Variants in TMEM181 observed in about 807,000 individuals in gnomAD.
TMEM181 encodes transmembrane protein 181, also known as G protein-coupled receptor 178.
A neutral mutation model predicts 71.9 loss-of-function variants in TMEM181; 39 were observed. The ratio of observed to expected loss-of-function variants is 0.54; its 90% confidence interval spans 0.42 to 0.71. The LOEUF is 0.71. TMEM181 is among the 30% of genes least tolerant of loss of function. The pLI, the probability that TMEM181 is intolerant of heterozygous loss-of-function variation, is 0.00. For missense variants in TMEM181, 595 were observed against 583.0 expected, an observed-to-expected ratio of 1.02 and a Z score of -0.21; for synonymous variants, 245 against 228.8, an observed-to-expected ratio of 1.07 and a Z score of -0.64.
At chr6:158,584,143 G>GATAGATGTAT in intron 4 of TMEM181, 99 bp downstream of exon 4, 1 of 992,952 alleles carries the variant, frequency 1.0e-6, no homozygotes, top group Non-Finnish European at 1.5e-6. Flanking sequence ...AGTGCTCAAA[G>GATAGATGTAT]ATAGATGTAT....
At chr6:158,540,337 A>T (rs1781295578) in intron 1 of TMEM181, among the ~76,000 whole-genome samples, 1 of 152,224 alleles carries the variant, frequency 6.6e-6, no homozygotes, top group Non-Finnish European at 1.5e-5. Context: ...GAACATACAC[A>T]TTTCCTCAGG....
chr6:158,552,338 T>G (rs1304563287), intron 1 of TMEM181, among the ~76,000 whole-genome samples: 2 of 152,254 alleles, frequency 1.3e-5, no homozygotes, highest in Non-Finnish European at 2.9e-5. Context: ...TTGAACCTGA[T>G]GAAAGGTACT....
intron 6 of TMEM181, among the ~76,000 whole-genome samples, chr6:158,595,694 T>C (rs551596460): frequency 6.6e-6 from 1 of 152,302 alleles, no homozygotes; most frequent in Non-Finnish European, 1.5e-5. Context: ...GTACGGAGTG[T>C]ATGATTCCAT....
chr6:158,571,847 C>T (rs1415644182), intron 1 of TMEM181, among the ~76,000 whole-genome samples: 2 of 152,230 alleles, frequency 1.3e-5, no homozygotes, highest in East Asian at 3.9e-4. Context: ...CCAGACCTCA[C>T]TTTCCCCACC....
chr6:158,594,005 G>C (rs903699758), intron 6 of TMEM181, among the ~76,000 whole-genome samples: 2 of 151,554 alleles, frequency 1.3e-5, no homozygotes. Context: ...TCATTTCAGT[G>C]CCCTGAAAAT....
At chr6:158,540,818 AGTGCAGTGGTGTGGTCAT>A (rs1781311480) in intron 1 of TMEM181, among the ~76,000 whole-genome samples, 1 of 152,062 alleles carries the variant, frequency 6.6e-6, no homozygotes, top group African/African-American at 2.4e-5. Context: ...CCAAGGCTGG[AGTGCAGTGGTGTGGTCAT>A]GGCTCACTGC....
In TMEM181 at chr6:158,628,590, T is replaced by TC. The variant is rs1274190835; in HGVS notation, c.1192+102dup. 1.3e-5 allele frequency: 13 copies of TC among 1,026,544 alleles called. No homozygotes were observed. In the East Asian group the frequency reaches 3.0e-4, roughly 24 times the overall value. The allele number at this position is 1,026,544 out of a possible 1,614,324, so 63.6% of individuals were successfully genotyped here. On this transcript the variant is annotated intron_variant, in intron 14 of 16. Coordinates refer to ENST00000684151, the MANE Select transcript of TMEM181 (RefSeq NM_001376852.1). ...CCCTCTCAAGAGGAGACAGGTCAGC[T>TC]CCTCGCGCCCTGTTCTCCGGAGGCC...
At chr6:158,571,138 C>T (rs1782787165) in intron 1 of TMEM181, among the ~76,000 whole-genome samples, 1 of 151,200 alleles carries the variant, frequency 6.6e-6, no homozygotes, top group Non-Finnish European at 1.5e-5. Flanking sequence ...GTTCTGTTGC[C>T]CAGGCTGAAG....
intron 10 of TMEM181, among the ~76,000 whole-genome samples, chr6:158,612,144 G>A (rs1341674981): frequency 6.6e-6 from 1 of 152,090 alleles, no homozygotes; most frequent in Non-Finnish European, 1.5e-5. Flanking sequence ...AGACTTGGGT[G>A]CCCAGCTGTG....
At chr6:158,599,572 G>A (rs1401393967) in intron 6 of TMEM181, among the ~76,000 whole-genome samples, 1 of 152,202 alleles carries the variant, frequency 6.6e-6, no homozygotes, top group African/African-American at 2.4e-5. Context: ...AATAAACACA[G>A]AACAAACAAA....
chr6:158,558,120 G>A (rs1045896675), upstream of TMEM181, among the ~76,000 whole-genome samples: 1 of 152,180 alleles, frequency 6.6e-6, no homozygotes, highest in Admixed American at 6.5e-5. Context: ...GAGGTAGTTT[G>A]GAGTCAAATG....
chr6:158,631,923 G>T lies in TMEM181; in HGVS notation c.*35G>T. On this transcript the variant is annotated 3_prime_UTR_variant, in exon 17 of 17. Coordinates refer to ENST00000684151, the MANE Select transcript of TMEM181 (RefSeq NM_001376852.1). ...AGCCCAGCGAGGCGACAAGATGCCT[G>T]GATGCTTTCCCCGGTGACCGTCTGC... 6.5e-7 allele frequency: 1 copy of T among 1,547,958 alleles called. No homozygotes were observed. The highest frequency in any genetic ancestry group is 1.2e-5 in the South Asian group (1 of 84,510).
rs1249235467 is a variant in TMEM181 at position 158,629,729 on chromosome 6, C to G, written c.1193-1C>G. 6 of 1,604,930 alleles carry G rather than the reference C, an allele frequency of 3.7e-6. No homozygotes were observed. Among genetic ancestry groups the G allele is most frequent in the Non-Finnish European group, 5.1e-6 (6 of 1,174,990 alleles). Reference sequence around the variant, plus strand: ...CGCGTTCCTTCCCTTGACAGCACCACCAGCCGAGTTCTTATCTTTCTATGG... The same window carrying G: ...CGCGTTCCTTCCCTTGACAGCACCAGCAGCCGAGTTCTTATCTTTCTATGG... On this transcript the variant is annotated splice_acceptor_variant, in intron 14 of 16. Transcript: ENST00000684151. LOFTEE classifies it high-confidence loss of function.
intron 1 of TMEM181, among the ~76,000 whole-genome samples, chr6:158,540,107 A>G (rs1214084918): frequency 1.3e-5 from 2 of 152,210 alleles, no homozygotes. Flanking sequence ...CATTTGGGCT[A>G]CTGCTTCTCA....
At chr6:158,550,868 G>A (rs959077883) in intron 1 of TMEM181, among the ~76,000 whole-genome samples, 3 of 138,796 alleles carry the variant, frequency 2.2e-5, no homozygotes, top group Admixed American at 7.5e-5. Flanking sequence ...CTCCAGCCTG[G>A]GTGAGAGTGA....
At chr6:158,575,449 G>A (rs1783103593) in intron 2 of TMEM181, among the ~76,000 whole-genome samples, 2 of 152,032 alleles carry the variant, frequency 1.3e-5, no homozygotes, top group South Asian at 2.1e-4. Context: ...CAGTAGCTGG[G>A]ATTAGAGGCA....
At chr6:158,562,145 T>C (rs1392929928) in intron 1 of TMEM181, among the ~76,000 whole-genome samples, 1 of 152,186 alleles carries the variant, frequency 6.6e-6, no homozygotes, top group East Asian at 1.9e-4. Flanking sequence ...TTATGACCTC[T>C]GACTCTCATT....
chr6:158,578,432 T>G (rs573385737), intron 2 of TMEM181, among the ~76,000 whole-genome samples: 2 of 152,366 alleles, frequency 1.3e-5, no homozygotes, highest in East Asian at 3.9e-4. Flanking sequence ...AAATCTAGTA[T>G]TATTATAACT....
intron 6 of TMEM181, among the ~76,000 whole-genome samples, chr6:158,597,732 C>A (rs1784459365): frequency 6.6e-6 from 1 of 152,002 alleles, no homozygotes; most frequent in African/African-American, 2.4e-5. Context: ...GCTTGAACTC[C>A]TGGGTTCAAG....
Sources: allele counts gnomAD v4.1 joint callset (sites outside exome capture counted in the v4.1 genomes callset), GRCh38; gene constraint gnomAD v4.1.1; transcripts MANE v1.5; gene names NCBI Gene and HGNC (gene_info 2026-07-23, HGNC 2026-07-21).